CLCN5: variants seen among roughly 807,000 people sequenced by gnomAD.
CLCN5 encodes the protein Cl-/H+ antiporter 5.
A neutral mutation model predicts 54.0 loss-of-function variants in CLCN5; 17 were observed. That is an observed-to-expected ratio of 0.31 (90% confidence interval 0.22 to 0.47). CLCN5 has a LOEUF of 0.47. CLCN5 is among the 20% of genes least tolerant of loss of function. The probability of loss-of-function intolerance (pLI) is 1.00; values close to 1 mark genes in which losing one functional copy is unlikely to be tolerated. For synonymous variants in CLCN5, 222 were observed against 233.0 expected (o/e 0.95, Z 0.43); for missense variants, 448 against 646.7 (o/e 0.69, Z 3.33).
intron 3 of CLCN5, among the ~76,000 whole-genome samples, chrX:49,943,869 T>A (rs1408358766): frequency 1.2e-3 from 135 of 111,489 alleles, no homozygotes; most frequent in African/African-American, 4.0e-3. Flanking sequence ...TGGCTTAGGA[T>A]TGACTTGGCA....
At chrX:49,969,231 C>G (rs1292749623) in intron 3 of CLCN5, among the ~76,000 whole-genome samples, 1 of 111,231 alleles carries the variant, frequency 9.0e-6, no homozygotes, top group Admixed American at 9.5e-5. Context: ...GTGCATGCCA[C>G]CACATCCAAC....
At chrX:50,088,922 G>A (rs782507653) in intron 12 of CLCN5, 38 bp downstream of exon 12, 2 of 1,129,092 alleles carry the variant, frequency 1.8e-6, no homozygotes, top group Non-Finnish European at 2.4e-6. Context: ...TTGCTACCCA[G>A]GTGACATACA....
chrX:49,976,948 C>G (rs1407581300), intron 3 of CLCN5, among the ~76,000 whole-genome samples: 1 of 111,359 alleles, frequency 9.0e-6, no homozygotes, highest in African/African-American at 3.3e-5. Flanking sequence ...AAAAACCCCT[C>G]CGGTACAGAA....
intron 4 of CLCN5, chrX:50,069,447 G>A (rs782632113): frequency 6.8e-5 from 51 of 745,370 alleles, no homozygotes; most frequent in Non-Finnish European, 7.8e-5. Flanking sequence ...CCCCAGCCAG[G>A]CAAAAACCAC....
intron 3 of CLCN5, among the ~76,000 whole-genome samples, chrX:50,035,085 A>T (rs1246197783): frequency 9.0e-6 from 1 of 110,643 alleles, no homozygotes; most frequent in Non-Finnish European, 1.9e-5. Flanking sequence ...CTCATCTTCA[A>T]GTCTTTGGCC....
At chrX:50,044,542 GCTGAGT>G (rs1375897111) in intron 4 of CLCN5, among the ~76,000 whole-genome samples, 44 of 111,919 alleles carry the variant, frequency 3.9e-4, no homozygotes, top group African/African-American at 1.3e-3. Flanking sequence ...GTGCAAGTGG[GCTGAGT>G]CCGAGAAAGG....
intron 3 of CLCN5, among the ~76,000 whole-genome samples, chrX:49,931,733 C>CTT (rs1361127071): frequency 1.0e-5 from 1 of 99,084 alleles, no homozygotes. Flanking sequence ...TAAAAGAAAA[C>CTT]TTTTTTTTTT....
rs1230436214 is a variant in CLCN5 at position 50,077,831 on chromosome X, A to C, written c.603+1849A>C. Reference sequence around the variant, plus strand: ...TCTCTACAAAAAAAAAAAAAAAAAAAAAAAAAAAAAAAAAAAAACATGTAT... The same window carrying C: ...TCTCTACAAAAAAAAAAAAAAAAAACAAAAAAAAAAAAAAAAAACATGTAT... On this transcript the variant is annotated intron_variant, in intron 7 of 14. Transcript: ENST00000376091. Among the ~76,000 whole-genome samples, 5 of 73,793 alleles carry C rather than the reference A, an allele frequency of 6.8e-5. No homozygotes were observed. The East Asian group carries it at 1.0e-3, about 15-fold the overall frequency. 64.1% of individuals were successfully genotyped at this position (73,793 alleles called of 115,157 possible).
chrX:49,991,632 T>C (rs1472532514), intron 3 of CLCN5, among the ~76,000 whole-genome samples: 4 of 112,183 alleles, frequency 3.6e-5, no homozygotes, highest in African/African-American at 1.3e-4. Flanking sequence ...CCTAAGCCAA[T>C]GTCTAGAAGA....
intron 3 of CLCN5, among the ~76,000 whole-genome samples, chrX:49,948,154 C>T (rs1926849655): frequency 9.3e-6 from 1 of 107,605 alleles, no homozygotes; most frequent in South Asian, 3.9e-4. Context: ...ACACTCCTGG[C>T]TTCACCTTTT....
In CLCN5 at chrX:50,086,033, A is replaced by T; in HGVS notation, c.987A>T (p.Ile329=). ...AGVSVAFGAP[I]GGVLFSLEEV... ...TATCTGTAGCCTTTGGAGCACCTAT[A>T]GGTGGAGTATTATTCAGCCTTGAAG... The change falls in exon 10 of 15, where the codon ATA becomes ATT. Residue 329 remains isoleucine, a synonymous_variant. Coordinates refer to ENST00000376091, the MANE Select transcript of CLCN5 (RefSeq NM_001127898.4). 1 of 1,206,142 alleles carries T rather than the reference A, an allele frequency of 8.3e-7. No individual in the cohort carries two copies.
intron 4 of CLCN5, among the ~76,000 whole-genome samples, chrX:50,069,172 G>C (rs1933140876): frequency 8.9e-6 from 1 of 112,087 alleles, no homozygotes; most frequent in Non-Finnish European, 1.9e-5. Context: ...TGTAATAGAA[G>C]TACCCAAAGC....
intron 4 of CLCN5, among the ~76,000 whole-genome samples, chrX:50,058,637 C>CT (rs1409426183): frequency 1.8e-5 from 2 of 111,276 alleles, no homozygotes; most frequent in Non-Finnish European, 3.8e-5. Context: ...TCAATGTTGA[C>CT]TTTTTTCTCT....
intron 1 of CLCN5, among the ~76,000 whole-genome samples, chrX:49,923,036 G>C (rs1158270037): frequency 2.7e-5 from 3 of 113,154 alleles, no homozygotes; most frequent in African/African-American, 9.6e-5. Flanking sequence ...TGTTCTCCGA[G>C]TTATGGTCCC....
rs1352373844 is a variant in CLCN5 at position 50,089,997 on chromosome X, T to A, written c.1745-119T>A. 31 of 714,234 alleles carry A rather than the reference T, an allele frequency of 4.3e-5. No homozygotes were observed. In the Admixed American group the frequency reaches 6.9e-4, roughly 16 times the overall value. 58.9% of individuals were successfully genotyped at this position (714,234 alleles called of 1,213,427 possible). A position where few individuals can be genotyped will look rare whatever the true frequency, so the allele number is the denominator to read the frequency against. On this transcript the variant is annotated intron_variant, in intron 12 of 14. Transcript: ENST00000376091. ...TTGCTTTCTTGCAATCTCTGGGGTC[T>A]GCACAGTTGTAGGTGAGACCTCATT...
intron 3 of CLCN5, among the ~76,000 whole-genome samples, chrX:49,996,982 C>T (rs1929555895): frequency 9.0e-6 from 1 of 111,722 alleles, no homozygotes; most frequent in Non-Finnish European, 1.9e-5. Context: ...TTGTCTTTTC[C>T]ATCCCCTTTG....
chrX:49,990,591 C>T (rs1369957744), intron 3 of CLCN5, among the ~76,000 whole-genome samples: 3 of 111,690 alleles, frequency 2.7e-5, no homozygotes, highest in African/African-American at 9.8e-5. Context: ...GCACCCGCCA[C>T]CACACACAGC....
chrX:49,984,703 C>T (rs1440454860), intron 3 of CLCN5, among the ~76,000 whole-genome samples: 1 of 110,201 alleles, frequency 9.1e-6, no homozygotes, highest in East Asian at 2.8e-4. Context: ...TAGTCTCAAA[C>T]GTTGGGGCTC....
intron 5 of CLCN5, among the ~76,000 whole-genome samples, chrX:50,071,651 A>G (rs1557191535): frequency 8.9e-6 from 1 of 112,342 alleles, no homozygotes; most frequent in Non-Finnish European, 1.9e-5. Context: ...GGAAAAATGT[A>G]ACTTTGTTCC....
Sources: gnomAD v4.1 joint callset for allele counts (sites outside exome capture counted in the v4.1 genomes callset) on GRCh38, gnomAD v4.1.1 for gene constraint, MANE v1.5 for transcripts, NCBI Gene and HGNC (gene_info 2026-07-23, HGNC 2026-07-21) for gene names.